The following FER variants were observed in gnomAD, a reference collection of about 807,000 sequenced individuals.
The protein encoded by FER is tyrosine-protein kinase Fer.
Under a neutral mutation model 111.0 loss-of-function variants are expected in FER, and 63 were observed. The ratio of observed to expected loss-of-function variants is 0.57; its 90% CI spans 0.46 to 0.70. FER has a LOEUF of 0.70. Among genes scored for constraint, FER ranks in the 30% least tolerant of loss-of-function variants. The pLI is 0.00. For missense variants in FER, 914 were observed against 954.0 expected, an observed-to-expected ratio of 0.96 and a Z score of 0.55; for synonymous variants, 327 against 313.9, an observed-to-expected ratio of 1.04 and a Z score of -0.44.
At chr5:108,955,800 A>G (rs976974753) in intron 12 of FER, among the ~76,000 whole-genome samples, 1 of 151,792 alleles carries the variant, frequency 6.6e-6, no homozygotes, top group African/African-American at 2.4e-5. Flanking sequence ...TTGAGGGCTT[A>G]GATAACTTAG....
At chr5:108,761,179 C>T (rs1206338931) in intron 1 of FER, among the ~76,000 whole-genome samples, 3 of 152,258 alleles carry the variant, frequency 2.0e-5, no homozygotes, top group African/African-American at 4.8e-5. Flanking sequence ...CCCCCCACCT[C>T]GGCCTCCCAA....
chr5:108,842,612 T>C (rs1761379650), intron 5 of FER: 2 of 152,074 alleles, frequency 1.3e-5, no homozygotes. Context: ...CAAAAGAAGA[T>C]ATACAAATAG....
At chr5:108,749,191 C>G (rs1032551787) in intron 1 of FER, among the ~76,000 whole-genome samples, 1 of 152,126 alleles carries the variant, frequency 6.6e-6, no homozygotes, top group South Asian at 2.1e-4. Flanking sequence ...CCCCAACCCC[C>G]GTCCCTGGCT....
At chr5:108,766,848 G>A (rs1752372464) in intron 1 of FER, among the ~76,000 whole-genome samples, 2 of 152,130 alleles carry the variant, frequency 1.3e-5, no homozygotes, top group African/African-American at 4.8e-5. Flanking sequence ...GTATGGCACA[G>A]GCAAAAAGTG....
rs111724215 is a variant in FER at position 108,995,405 on chromosome 5, A to G, written c.1656+36058A>G. On this transcript the variant is annotated intron_variant, in intron 13 of 19. Transcript: ENST00000281092. ...TACATTAGGTATTTCTCCTAATGCT[A>G]TCCCTCTACTAGCCCCCCACCCCCC... Among the ~76,000 whole-genome samples, 5 of 151,986 alleles carry G rather than the reference A, an allele frequency of 3.3e-5. 1 individual carries two copies. Among genetic ancestry groups the G allele is most frequent in the African/African-American group, 1.2e-4 (5 of 41,438 alleles).
At chr5:108,907,868 C>T (rs1751012150) in intron 10 of FER, among the ~76,000 whole-genome samples, 1 of 151,872 alleles carries the variant, frequency 6.6e-6, no homozygotes, top group African/African-American at 2.4e-5. Context: ...ATGATTTAGA[C>T]ATCAATTGAT....
chr5:109,107,360 A>C (rs936762173), intron 17 of FER, among the ~76,000 whole-genome samples: 1 of 152,120 alleles, frequency 6.6e-6, no homozygotes, highest in Non-Finnish European at 1.5e-5. Flanking sequence ...CTCAGGGGGT[A>C]CATGTGAAGG....
intron 16 of FER, among the ~76,000 whole-genome samples, chr5:109,091,264 G>A (rs1178326918): frequency 6.6e-6 from 1 of 152,204 alleles, no homozygotes; most frequent in Non-Finnish European, 1.5e-5. Flanking sequence ...ACCTTGGAGG[G>A]TGTTTTCCAG....
intron 17 of FER, among the ~76,000 whole-genome samples, chr5:109,117,154 A>G (rs1413084007): frequency 6.6e-6 from 1 of 152,158 alleles, no homozygotes; most frequent in African/African-American, 2.4e-5. Context: ...CAATTCAGAA[A>G]GGTTCTTTTT....
intron 12 of FER, among the ~76,000 whole-genome samples, chr5:108,958,607 T>G (rs1758740540): frequency 6.6e-6 from 1 of 151,852 alleles, no homozygotes. Context: ...TTGAGCGTGT[T>G]GATATCTACA....
chr5:109,182,505 G>C (rs76886981), intron 18 of FER, among the ~76,000 whole-genome samples: 1,677 of 152,266 alleles, frequency 0.011, 18 homozygotes, highest in Middle Eastern at 0.044. Flanking sequence ...TAAGGGGGAT[G>C]ATCACAGGAT....
chr5:109,101,135 T>TA (rs1273558391), intron 17 of FER, among the ~76,000 whole-genome samples: 32 of 152,122 alleles, frequency 2.1e-4, no homozygotes, highest in South Asian at 8.3e-4. Flanking sequence ...GTGGTTTTAG[T>TA]TGCTTGTAGC....
chr5:108,986,966 T>C (rs1382682274), intron 13 of FER, among the ~76,000 whole-genome samples: 4 of 152,142 alleles, frequency 2.6e-5, no homozygotes, highest in Non-Finnish European at 5.9e-5. Context: ...GATTTTTTTT[T>C]TCTAGTTCTG....
intron 9 of FER, among the ~76,000 whole-genome samples, chr5:108,893,323 G>A (rs1238493747): frequency 1.3e-5 from 2 of 151,088 alleles, no homozygotes; most frequent in Admixed American, 1.3e-4. Context: ...AAGTTTAATA[G>A]TTTGAGATTT....
chr5:108,902,000 A>G (rs1750097340), intron 10 of FER, among the ~76,000 whole-genome samples: 1 of 152,158 alleles, frequency 6.6e-6, no homozygotes, highest in South Asian at 2.1e-4. Context: ...ACCTTTAAAA[A>G]CCATAAATCA....
chr5:108,860,327 G>T (rs1205742458), intron 5 of FER, among the ~76,000 whole-genome samples: 1 of 152,034 alleles, frequency 6.6e-6, no homozygotes, highest in African/African-American at 2.4e-5. Context: ...GCTTTATTTA[G>T]CCTTTGCTAT....
chr5:108,961,040 A>G lies in FER; in HGVS notation c.1656+1693A>G, dbSNP rs545508925. 4.6e-5 allele frequency among the ~76,000 whole-genome samples: 7 copies of G among 152,296 alleles called. No homozygotes were observed. The East Asian group carries it at 1.3e-3, about 29-fold the overall frequency. On this transcript the variant is annotated intron_variant, in intron 13 of 19. Coordinates refer to ENST00000281092, the MANE Select transcript of FER (RefSeq NM_005246.4). ...GAGGTTGAGACTGTAGTGAGCTGTG[A>G]TTGTACCACTGCACTCCAGCCTAGG...
At chr5:108,860,162 C>G (rs1290839485) in intron 5 of FER, among the ~76,000 whole-genome samples, 1 of 151,872 alleles carries the variant, frequency 6.6e-6, no homozygotes, top group Admixed American at 6.6e-5. Context: ...AGGCTGGTCT[C>G]AAACTCCTGA....
At chr5:108,766,487 T>G (rs2149950765) in intron 1 of FER, among the ~76,000 whole-genome samples, 1 of 152,360 alleles carries the variant, frequency 6.6e-6, no homozygotes, top group East Asian at 1.9e-4. Flanking sequence ...GAGAAATGTA[T>G]TAACACTTTA....
Sources: allele counts gnomAD v4.1 joint callset (sites outside exome capture counted in the v4.1 genomes callset), GRCh38; gene constraint gnomAD v4.1.1; transcripts MANE v1.5; gene names NCBI Gene and HGNC (gene_info 2026-07-23, HGNC 2026-07-21).